Variants in EDAR observed in about 807,000 individuals in gnomAD.
EDAR encodes ectodysplasin A receptor, also known as tumor necrosis factor receptor superfamily member EDAR.
EDAR carries 38 observed loss-of-function variants against 51.3 expected under a neutral mutation model. That is an observed-to-expected ratio of 0.74 (90% CI 0.57 to 0.97). The LOEUF (loss-of-function observed/expected upper bound fraction) is 0.97. Among genes scored for constraint, EDAR ranks in the 50% least tolerant of loss-of-function variants. The probability of loss-of-function intolerance (pLI) is 0.00; values close to 1 mark genes in which losing one functional copy is unlikely to be tolerated. For synonymous variants in EDAR, 227 were observed against 242.1 expected (o/e 0.94, Z 0.58); for missense variants, 528 against 595.0 (o/e 0.89, Z 1.17).
At chr2:108,956,145 T>C (rs1697921855) in intron 1 of EDAR, among the ~76,000 whole-genome samples, 1 of 152,246 alleles carries the variant, frequency 6.6e-6, no homozygotes, top group South Asian at 2.1e-4. Flanking sequence ...TTTTAATGGA[T>C]TGAAAGTATC....
intron 11 of EDAR, among the ~76,000 whole-genome samples, chr2:108,902,459 T>C (rs1007234538): frequency 6.6e-6 from 1 of 152,136 alleles, no homozygotes; most frequent in Non-Finnish European, 1.5e-5. Context: ...TTCTACAAAA[T>C]GTTTAAGAAA....
chr2:108,965,477 A>AG (rs1698133645), intron 1 of EDAR, among the ~76,000 whole-genome samples: 1 of 151,566 alleles, frequency 6.6e-6, no homozygotes, highest in African/African-American at 2.4e-5. Context: ...AAAAAAAAAA[A>AG]AAGATAATAA....
intron 1 of EDAR, among the ~76,000 whole-genome samples, chr2:108,960,580 T>G (rs1043775058): frequency 3.9e-5 from 6 of 152,226 alleles, no homozygotes; most frequent in Non-Finnish European, 7.3e-5. Context: ...CCACGCTGGC[T>G]CTGTCACTGA....
At chr2:108,932,528 C>CAAAA (rs1171012818) in intron 1 of EDAR, among the ~76,000 whole-genome samples, 167 of 37,446 alleles carry the variant, frequency 4.5e-3, no homozygotes, top group Non-Finnish European at 5.1e-3. Flanking sequence ...GACTCTGTCT[C>CAAAA]AAAAAAAAAA....
intron 1 of EDAR, among the ~76,000 whole-genome samples, chr2:108,934,131 T>C (rs1478018793): frequency 1.3e-5 from 2 of 152,132 alleles, no homozygotes; most frequent in African/African-American, 4.8e-5. Flanking sequence ...CGTTCCCAGG[T>C]AAACCCAAGC....
rs1220446512 is a variant in EDAR at position 108,938,657 on chromosome 2, GA to G, written c.-18-7626del. Among the ~76,000 whole-genome samples the G allele has an allele frequency of 7.4e-5, 11 of 148,620 alleles. 1 individual carries two copies. The highest frequency in any genetic ancestry group is 1.7e-4 in the African/African-American group (7 of 40,506). On this transcript the variant is annotated intron_variant, in intron 1 of 11. Transcript: ENST00000258443. ...GAACTGACAAGCTTGGAGAAGTTTT[GA>G]AAAAAAAAATCCCTACTTTTTTGCC...
At chr2:108,932,708 T>C (rs1697394322) in intron 1 of EDAR, among the ~76,000 whole-genome samples, 1 of 152,100 alleles carries the variant, frequency 6.6e-6, no homozygotes, top group Non-Finnish European at 1.5e-5. Context: ...AAGGGCTTCT[T>C]CACTGAGATT....
intron 1 of EDAR, among the ~76,000 whole-genome samples, chr2:108,963,680 G>A (rs975675280): frequency 3.9e-5 from 6 of 152,230 alleles, no homozygotes; most frequent in Non-Finnish European, 8.8e-5. Context: ...TTCAACAGAA[G>A]AATGAACCTG....
Position 108,976,597 on chromosome 2 carries a change from G to A in EDAR, c.-19+12363C>T, listed in dbSNP as rs1009246515. ...TGAATTACCTGGAGTTCCTCTGCACGGGAGACCTGCCTCTTCTCTGTTATG... is the reference window on the plus strand; with the variant it reads ...TGAATTACCTGGAGTTCCTCTGCACAGGAGACCTGCCTCTTCTCTGTTATG... On this transcript the variant is annotated intron_variant, in intron 1 of 11. Transcript: ENST00000258443. Among the ~76,000 whole-genome samples the A allele has an allele frequency of 3.9e-5, 6 of 152,168 alleles. No homozygotes were observed. The South Asian group carries it at 6.2e-4, about 16-fold the overall frequency.
At chr2:108,974,088 G>C (rs374334248) in intron 1 of EDAR, among the ~76,000 whole-genome samples, 8 of 152,148 alleles carry the variant, frequency 5.3e-5, no homozygotes, top group African/African-American at 1.7e-4. Flanking sequence ...CCAGCACTTT[G>C]GGAGGCCGAG....
intron 1 of EDAR, among the ~76,000 whole-genome samples, chr2:108,958,157 G>A (rs1389183414): frequency 3.9e-5 from 6 of 151,970 alleles, no homozygotes; most frequent in East Asian, 1.9e-4. Flanking sequence ...AAAGAAAGGC[G>A]GGAGAGAAAA....
intron 1 of EDAR, among the ~76,000 whole-genome samples, chr2:108,974,416 T>C (rs1330873771): frequency 1.3e-5 from 2 of 149,286 alleles, no homozygotes; most frequent in Non-Finnish European, 3.0e-5. Context: ...TTTATGAACA[T>C]TATCTTAATG....
intron 5 of EDAR, among the ~76,000 whole-genome samples, chr2:108,913,986 C>T (rs1473158476): frequency 3.4e-5 from 5 of 148,548 alleles, no homozygotes; most frequent in East Asian, 2.0e-4. Context: ...AGGGGCCGGG[C>T]GCGGTAGCTC....
chr2:108,902,373 C>T (rs1306151363), intron 11 of EDAR, among the ~76,000 whole-genome samples: 1 of 152,064 alleles, frequency 6.6e-6, no homozygotes, highest in Non-Finnish European at 1.5e-5. Flanking sequence ...GAGACTCCAT[C>T]TCAAAAACAA....
At chr2:108,913,989 G>A (rs1342208470) in intron 5 of EDAR, among the ~76,000 whole-genome samples, 5 of 150,644 alleles carry the variant, frequency 3.3e-5, no homozygotes, top group South Asian at 4.2e-4. Flanking sequence ...GGCCGGGCGC[G>A]GTAGCTCATG....
chr2:108,930,852 T>C (rs1697353704), intron 2 of EDAR, 112 bp downstream of exon 2: 4 of 1,180,504 alleles, frequency 3.4e-6, no homozygotes, highest in Non-Finnish European at 5.1e-6. Context: ...AAGAACCCTG[T>C]GGAGGAGGGA....
At position 108,969,391 on chromosome 2, in the gene EDAR, C is replaced by T. The variant is rs559246931; in HGVS notation, c.-19+19569G>A. On this transcript the variant is annotated intron_variant, in intron 1 of 11. Coordinates refer to ENST00000258443, the MANE Select transcript of EDAR (RefSeq NM_022336.4). Reference sequence around the variant, plus strand: ...GGCTAAGTTCGGATGGTTGTATCTCCGGTGAGAGGAGAACGATTAATGAAC... The same window carrying T: ...GGCTAAGTTCGGATGGTTGTATCTCTGGTGAGAGGAGAACGATTAATGAAC... Among the ~76,000 whole-genome samples the T allele has an allele frequency of 4.6e-5, 7 of 152,200 alleles. No individual in the cohort carries two copies. In the East Asian group the frequency reaches 1.2e-3, roughly 25 times the overall value.
intron 1 of EDAR, among the ~76,000 whole-genome samples, chr2:108,950,914 G>C (rs1217458881): frequency 1.3e-5 from 2 of 152,258 alleles, no homozygotes; most frequent in Non-Finnish European, 2.9e-5. Flanking sequence ...GAAGGGGTGT[G>C]ACCTTGCATG....
At chr2:108,923,222 G>A in intron 5 of EDAR, 146 bp downstream of exon 5, 1 of 796,324 alleles carries the variant, frequency 1.3e-6, no homozygotes, top group East Asian at 2.6e-5. Context: ...GACCTGCCTG[G>A]ACAGGCCACA....
Sources: gnomAD v4.1 joint callset for allele counts (sites outside exome capture counted in the v4.1 genomes callset) on GRCh38, gnomAD v4.1.1 for gene constraint, MANE v1.5 for transcripts, NCBI Gene and HGNC (gene_info 2026-07-23, HGNC 2026-07-21) for gene names.